GRM8: variants seen among roughly 807,000 people sequenced by gnomAD.
GRM8 encodes the protein glutamate metabotropic receptor 8.
In GRM8, 47 loss-of-function variants were observed where a neutral mutation model predicts 87.2. The ratio of observed to expected loss-of-function variants is 0.54; its 90% confidence interval spans 0.43 to 0.69. The LOEUF is 0.69. GRM8 is among the 30% of genes least tolerant of loss of function. GRM8 has a pLI of 0.00. For missense variants in GRM8, 1,019 were observed against 1,139.2 expected (o/e 0.89, Z 1.52); for synonymous variants, 396 against 404.5 (o/e 0.98, Z 0.25).
At chr7:126,668,558 C>G (rs2151299792) in intron 7 of GRM8, among the ~76,000 whole-genome samples, 1 of 152,242 alleles carries the variant, frequency 6.6e-6, no homozygotes, top group East Asian at 1.9e-4. Flanking sequence ...GACGCATGGC[C>G]CAAGGGTCCT....
chr7:126,910,800 GTCACAGATA>G (rs1276420316), intron 3 of GRM8, among the ~76,000 whole-genome samples: 1 of 152,180 alleles, frequency 6.6e-6, no homozygotes, highest in Non-Finnish European at 1.5e-5. Flanking sequence ...GTGGTCAGGT[GTCACAGATA>G]TGAGAGATAA....
chr7:126,726,603 A>C (rs1206199654), intron 7 of GRM8, among the ~76,000 whole-genome samples: 1 of 152,098 alleles, frequency 6.6e-6, no homozygotes, highest in African/African-American at 2.4e-5. Flanking sequence ...ATCTTCCCCA[A>C]AATCCTCCAG....
chr7:127,181,925 T>C (rs1416978783), intron 2 of GRM8, among the ~76,000 whole-genome samples: 1 of 152,056 alleles, frequency 6.6e-6, no homozygotes, highest in African/African-American at 2.4e-5. Flanking sequence ...CTTCTAGACA[T>C]TGGCTTAGGC....
chr7:126,538,837 A>T (rs1424770221), intron 8 of GRM8, among the ~76,000 whole-genome samples: 1 of 152,084 alleles, frequency 6.6e-6, no homozygotes, highest in East Asian at 1.9e-4. Context: ...CATATTTTGC[A>T]TATCACATGA....
chr7:126,973,853 A>G (rs946325675), intron 3 of GRM8, among the ~76,000 whole-genome samples: 2 of 152,212 alleles, frequency 1.3e-5, no homozygotes, highest in East Asian at 3.9e-4. Flanking sequence ...TAAATAAAAA[A>G]CGTCAACTAT....
At chr7:126,479,247 A>G (rs1354964576) in intron 9 of GRM8, among the ~76,000 whole-genome samples, 1 of 152,096 alleles carries the variant, frequency 6.6e-6, no homozygotes, top group African/African-American at 2.4e-5. Context: ...AAAATTATTG[A>G]TACAGAATTC....
chr7:127,007,014 C>T (rs1814387220), intron 3 of GRM8, among the ~76,000 whole-genome samples: 1 of 151,876 alleles, frequency 6.6e-6, no homozygotes, highest in Non-Finnish European at 1.5e-5. Context: ...CAACTGAAGT[C>T]GAGTAGACAC....
intron 3 of GRM8, among the ~76,000 whole-genome samples, chr7:127,100,818 G>A (rs993794836): frequency 1.3e-5 from 2 of 152,110 alleles, no homozygotes; most frequent in Non-Finnish European, 2.9e-5. Flanking sequence ...TTTGAGTGGG[G>A]ACACAGAAAA....
intron 8 of GRM8, among the ~76,000 whole-genome samples, chr7:126,596,392 A>T (rs1270275971): frequency 6.6e-6 from 1 of 152,108 alleles, no homozygotes; most frequent in East Asian, 1.9e-4. Flanking sequence ...TTTGATCTGC[A>T]TTTCTCTAAT....
At chr7:126,610,519 A>G (rs1369513043) in intron 7 of GRM8, among the ~76,000 whole-genome samples, 1 of 152,090 alleles carries the variant, frequency 6.6e-6, no homozygotes, top group African/African-American at 2.4e-5. Context: ...CCTTCTTGTT[A>G]TCTCTGTCTC....
chr7:126,806,002 G>C (rs1792642811), intron 6 of GRM8, among the ~76,000 whole-genome samples: 1 of 152,130 alleles, frequency 6.6e-6, no homozygotes, highest in Non-Finnish European at 1.5e-5. Context: ...GTTTTGCTTT[G>C]ATTCAGACAA....
intron 3 of GRM8, among the ~76,000 whole-genome samples, chr7:126,998,808 A>C (rs997823825): frequency 6.6e-6 from 1 of 151,902 alleles, no homozygotes; most frequent in African/African-American, 2.4e-5. Context: ...GAAGGAATCA[A>C]TATTGCTAAA....
At chr7:126,470,182 T>A (rs752584220) in intron 9 of GRM8, among the ~76,000 whole-genome samples, 52 of 152,218 alleles carry the variant, frequency 3.4e-4, no homozygotes, top group Non-Finnish European at 4.1e-4. Context: ...GAATTTCTTT[T>A]TTTTATTTTA....
chr7:127,139,701 T>C (rs900948527), intron 2 of GRM8, among the ~76,000 whole-genome samples: 2 of 152,064 alleles, frequency 1.3e-5, no homozygotes, highest in Non-Finnish European at 2.9e-5. Context: ...CTGTAGCTCA[T>C]GGAAAGCCTG....
chr7:126,528,590 CACACCAT>C (rs1562923552), intron 9 of GRM8, among the ~76,000 whole-genome samples: 1 of 149,276 alleles, frequency 6.7e-6, no homozygotes, highest in East Asian at 2.0e-4. Flanking sequence ...TACAAAAAAA[CACACCAT>C]ACAGAGACAA....
chr7:126,986,412 CTTATAG>C (rs377065936), intron 3 of GRM8, among the ~76,000 whole-genome samples: 10 of 152,098 alleles, frequency 6.6e-5, no homozygotes, highest in Admixed American at 2.6e-4. Context: ...TGAATTAATT[CTTATAG>C]TTAGAGTACA....
chr7:126,438,803 C>T lies in GRM8; in HGVS notation c.*316G>A, dbSNP rs1470257796. ...CAATCACAGAAAAATACAAGAATAA[C>T]ATCAGACATTATTTATTTCAACAGC... On this transcript the variant is annotated 3_prime_UTR_variant, in exon 11 of 11. Transcript: ENST00000339582. 5 of 270,936 alleles carry T rather than the reference C, an allele frequency of 1.8e-5. No individual in the cohort carries two copies. The East Asian group carries it at 2.3e-4, about 13-fold the overall frequency. The allele number at this position is 270,936 out of a possible 1,614,324, so 16.8% of individuals were successfully genotyped here.
At chr7:127,076,189 C>G (rs1245846117) in intron 3 of GRM8, 1 of 456,526 alleles carries the variant, frequency 2.2e-6, no homozygotes. Context: ...CATAGTATAG[C>G]AAAACATTCA....
intron 8 of GRM8, among the ~76,000 whole-genome samples, chr7:126,560,856 T>A (rs541914104): frequency 6.6e-6 from 1 of 152,270 alleles, no homozygotes; most frequent in South Asian, 2.1e-4. Context: ...GCTAAGAAAA[T>A]ATACACATAA....
Sources: gnomAD v4.1 joint callset for allele counts (sites outside exome capture counted in the v4.1 genomes callset) on GRCh38, gnomAD v4.1.1 for gene constraint, MANE v1.5 for transcripts, NCBI Gene and HGNC (gene_info 2026-07-23, HGNC 2026-07-21) for gene names.